CCDC88C: variants seen among roughly 807,000 people sequenced by gnomAD.
The protein encoded by CCDC88C is protein Daple.
In CCDC88C, 131 loss-of-function variants were observed where a neutral mutation model predicts 198.8. The observed-to-expected ratio is 0.66, with a 90% confidence interval of 0.57 to 0.76. The LOEUF (loss-of-function observed/expected upper bound fraction) is 0.76. Ranked by LOEUF, CCDC88C falls within the 30% of genes least tolerant of loss-of-function variation. The pLI, the probability that CCDC88C is intolerant of heterozygous loss-of-function variation, is 0.00. For synonymous variants in CCDC88C, 1,166 were observed against 1,114.7 expected (o/e 1.05, Z -0.92); for missense variants, 2,553 against 2,631.6 (o/e 0.97, Z 0.65).
chr14:91,411,855 C>T (rs1477276816), intron 2 of CCDC88C, among the ~76,000 whole-genome samples: 5 of 151,270 alleles, frequency 3.3e-5, no homozygotes, highest in East Asian at 2.0e-4. Context: ...CCTAGCTAAT[C>T]GGGAGGCTGA....
At chr14:91,294,663 GTTTGT>G (rs1035796731) in intron 22 of CCDC88C, among the ~76,000 whole-genome samples, 2 of 152,202 alleles carry the variant, frequency 1.3e-5, no homozygotes, top group Admixed American at 1.3e-4. Flanking sequence ...GTTTTCGTTT[GTTTGT>G]TTTGAGATGG....
chr14:91,416,174 CCAAA>C (rs1162566026), intron 2 of CCDC88C, among the ~76,000 whole-genome samples: 1 of 152,306 alleles, frequency 6.6e-6, no homozygotes, highest in East Asian at 1.9e-4. Flanking sequence ...CTGCATGCTT[CCAAA>C]CAAACAGCAC....
intron 6 of CCDC88C, among the ~76,000 whole-genome samples, chr14:91,341,510 A>C (rs748797240): frequency 3.3e-5 from 5 of 152,200 alleles, no homozygotes; most frequent in Non-Finnish European, 7.3e-5. Context: ...CTTCTCCCCA[A>C]TATCAACCCA....
intron 3 of CCDC88C, among the ~76,000 whole-genome samples, chr14:91,380,187 T>C (rs996729261): frequency 3.3e-5 from 5 of 152,256 alleles, no homozygotes; most frequent in Non-Finnish European, 7.3e-5. Flanking sequence ...TTACTATTTA[T>C]GCAAGAGTAC....
At chr14:91,414,113 T>C (rs979152347) in intron 2 of CCDC88C, among the ~76,000 whole-genome samples, 23 of 152,066 alleles carry the variant, frequency 1.5e-4, no homozygotes, top group African/African-American at 5.3e-4. Context: ...CTGAGAACTG[T>C]GGGGTAATCC....
intron 4 of CCDC88C, among the ~76,000 whole-genome samples, chr14:91,351,126 C>G (rs1338663954): frequency 6.6e-6 from 1 of 152,214 alleles, no homozygotes. Context: ...TGGGTTAGAA[C>G]CGCAAAGAGA....
chr14:91,272,553 C>A lies in CCDC88C; in HGVS notation c.*72G>T, dbSNP rs1889777891. 3.4e-6 allele frequency: 5 copies of A among 1,481,164 alleles called. No homozygotes were observed. The South Asian group carries it at 6.3e-5, about 19-fold the overall frequency. 91.8% of individuals were successfully genotyped at this position (1,481,164 alleles called of 1,614,324 possible). On this transcript the variant is annotated 3_prime_UTR_variant, in exon 30 of 30. Transcript: ENST00000389857. ...ACCCTCTCCTGGCACCGCAGGCAAG[C>A]AAGAGAAAAGGCCGTGAGAGTCGGA...
At position 91,391,634 on chromosome 14, in the gene CCDC88C, C is replaced by G. The variant is rs963743708; in HGVS notation, c.270+17025G>C. ...TCTCTACCAAAAATACAAAAATTAT[C>G]CAGGCGTGGTGGCGTGTGCCTGTAA... On this transcript the variant is annotated intron_variant, in intron 3 of 29. Coordinates refer to ENST00000389857, the MANE Select transcript of CCDC88C (RefSeq NM_001080414.4). 3.9e-5 allele frequency among the ~76,000 whole-genome samples: 6 copies of G among 152,210 alleles called. 1 individual carries two copies. The South Asian group carries it at 8.3e-4, about 21-fold the overall frequency.
At chr14:91,281,292 G>C in intron 27 of CCDC88C, 165 bp downstream of exon 27, 2 of 1,515,016 alleles carry the variant, frequency 1.3e-6, no homozygotes, top group East Asian at 2.6e-5. Context: ...GTAAGTAGAA[G>C]CTACACGCTC....
rs1244158941 is a variant in CCDC88C at position 91,271,777 on chromosome 14, C to T, written c.*848G>A. 1 of 152,534 alleles carries T rather than the reference C, an allele frequency of 6.6e-6. No individual in the cohort carries two copies. Among genetic ancestry groups the T allele is most frequent in the South Asian group, 2.1e-4 (1 of 4,838 alleles). 9.4% of individuals were successfully genotyped at this position (152,534 alleles called of 1,614,324 possible). On this transcript the variant is annotated 3_prime_UTR_variant, in exon 30 of 30. Transcript: ENST00000389857. Reference sequence around the variant, plus strand: ...CGGGTGCCGCAGCCAGGTTACACATCGAGCTTGCACCTCGCTCTGTGCGGA... The same window carrying T: ...CGGGTGCCGCAGCCAGGTTACACATTGAGCTTGCACCTCGCTCTGTGCGGA...
At chr14:91,274,363 G>A (rs1476843126) in intron 29 of CCDC88C, among the ~76,000 whole-genome samples, 1 of 151,276 alleles carries the variant, frequency 6.6e-6, no homozygotes, top group Non-Finnish European at 1.5e-5. Context: ...CCTGCCCAGG[G>A]AGCAGGTGTC....
At chr14:91,353,628 C>T (rs1054378980) in intron 4 of CCDC88C, among the ~76,000 whole-genome samples, 6 of 152,206 alleles carry the variant, frequency 3.9e-5, no homozygotes, top group African/African-American at 1.4e-4. Flanking sequence ...CTTCCTCAGC[C>T]GGTGCAGTAG....
intron 3 of CCDC88C, among the ~76,000 whole-genome samples, chr14:91,370,367 T>C (rs914432912): frequency 3.9e-5 from 6 of 152,180 alleles, no homozygotes; most frequent in African/African-American, 1.4e-4. Context: ...TGCCCACGCG[T>C]CCAGAAGAAC....
chr14:91,355,654 A>G (rs1284926183), intron 4 of CCDC88C, among the ~76,000 whole-genome samples: 1 of 152,226 alleles, frequency 6.6e-6, no homozygotes, highest in Non-Finnish European at 1.5e-5. Context: ...AATTTTCAGT[A>G]TACGAAGTAC....
intron 14 of CCDC88C, among the ~76,000 whole-genome samples, chr14:91,314,401 C>A (rs1892005817): frequency 6.6e-6 from 1 of 152,182 alleles, no homozygotes; most frequent in African/African-American, 2.4e-5. Context: ...CATCTCTCTC[C>A]CTCACTTAAG....
rs1397260430 is a variant in CCDC88C, at chr14:91,338,864, G to A, written c.810-294C>T. The A allele has an allele frequency of 2.0e-6, 1 of 493,426 alleles. No homozygotes were observed. The highest frequency in any genetic ancestry group is 3.7e-6 in the Non-Finnish European group (1 of 270,368). 30.6% of individuals were successfully genotyped at this position (493,426 alleles called of 1,614,324 possible). On this transcript the variant is annotated intron_variant, in intron 8 of 29. Transcript: ENST00000389857. The surrounding 1 kb of genome is among the most constrained non-coding windows in gnomAD (Gnocchi z 4.8). Reference sequence around the variant, plus strand: ...CGGCAGCTGTACCACCCCACAGCCAGGCTCCACAGGTGACATCCATCAGCT... The same window carrying A: ...CGGCAGCTGTACCACCCCACAGCCAAGCTCCACAGGTGACATCCATCAGCT...
intron 4 of CCDC88C, among the ~76,000 whole-genome samples, chr14:91,344,202 C>T (rs1893421786): frequency 1.3e-5 from 2 of 151,972 alleles, no homozygotes; most frequent in African/African-American, 4.8e-5. Context: ...TAAGTATCTC[C>T]CCATGATAAT....
At chr14:91,295,937 T>C (rs2139762598) in intron 22 of CCDC88C, among the ~76,000 whole-genome samples, 1 of 152,216 alleles carries the variant, frequency 6.6e-6, no homozygotes, top group South Asian at 2.1e-4. Context: ...GACACGTAGA[T>C]ACTGGGAATG....
intron 3 of CCDC88C, among the ~76,000 whole-genome samples, chr14:91,405,375 G>A (rs1261321952): frequency 1.3e-5 from 2 of 152,272 alleles, no homozygotes; most frequent in African/African-American, 2.4e-5. Flanking sequence ...GCCCGCCCAC[G>A]CAGCACCCCA....
Sources: gnomAD v4.1 joint callset for allele counts (sites outside exome capture counted in the v4.1 genomes callset) on GRCh38, gnomAD v4.1.1 for gene constraint, Gnocchi (gnomAD v3.1) non-coding constraint, MANE v1.5 for transcripts, NCBI Gene and HGNC (gene_info 2026-07-23, HGNC 2026-07-21) for gene names.